ZFHX3: variants seen among roughly 807,000 people sequenced by gnomAD.
ZFHX3 encodes zinc finger homeobox 3.
ZFHX3 carries 42 observed loss-of-function variants against 279.1 expected under a neutral mutation model. That is an observed-to-expected ratio of 0.15 (90% confidence interval 0.12 to 0.19). The LOEUF (loss-of-function observed/expected upper bound fraction) is 0.19. ZFHX3 is among the 10% of genes least tolerant of loss of function. The pLI is 1.00. For missense variants in ZFHX3, 4,981 were observed against 4,754.0 expected, an observed-to-expected ratio of 1.05 and a Z score of -1.40; for synonymous variants, 2,293 against 1,957.8, an observed-to-expected ratio of 1.17 and a Z score of -4.52.
chr16:73,405,795 T>C (rs1021050434), intron 3 of ZFHX3, among the ~76,000 whole-genome samples: 1 of 152,248 alleles, frequency 6.6e-6, no homozygotes, highest in Non-Finnish European at 1.5e-5. Flanking sequence ...CAATGTATGC[T>C]TAAAGTTTAT....
At chr16:73,773,045 G>A (rs56139326) in intron 1 of ZFHX3, among the ~76,000 whole-genome samples, 36,243 of 152,158 alleles carry the variant, frequency 0.24, 4,847 homozygotes, top group Non-Finnish European at 0.3. Context: ...AGGCTGATCA[G>A]TGCAGGGGCT....
intron 3 of ZFHX3, among the ~76,000 whole-genome samples, chr16:72,920,824 C>T (rs1164716267): frequency 6.6e-6 from 1 of 151,998 alleles, no homozygotes; most frequent in Admixed American, 6.6e-5. Context: ...AATCTCAGCA[C>T]TTTTGGAGGC....
At position 72,851,943 on chromosome 16, in the gene ZFHX3, G is replaced by A. The variant is rs1237746512; in HGVS notation, c.3449-22084C>T. Among the ~76,000 whole-genome samples, 10 of 152,158 alleles carry A rather than the reference G, an allele frequency of 6.6e-5. No individual in the cohort carries two copies. The South Asian group carries it at 1.0e-3, about 16-fold the overall frequency. On this transcript the variant is annotated intron_variant, in intron 4 of 9. Coordinates refer to ENST00000268489, the MANE Select transcript of ZFHX3 (RefSeq NM_006885.4). ...ACTGGCGGCCAGGTGAACTAGTTAC[G>A]TGGCCAAGTTAAACAGCTTTTGCGT... is the stretch of plus-strand genomic sequence containing the variant.
chr16:73,040,472 C>G (rs543430433), intron 1 of ZFHX3, among the ~76,000 whole-genome samples: 4 of 149,560 alleles, frequency 2.7e-5, no homozygotes, highest in Admixed American at 6.7e-5. Context: ...ACAAGCCAGC[C>G]GGGGAAGGCC....
At chr16:73,359,390 G>A (rs1173408142) in intron 3 of ZFHX3, among the ~76,000 whole-genome samples, 1 of 152,108 alleles carries the variant, frequency 6.6e-6, no homozygotes, top group Non-Finnish European at 1.5e-5. Flanking sequence ...AGTACTGGGG[G>A]AAAATGACAT....
intron 5 of ZFHX3, among the ~76,000 whole-genome samples, chr16:73,170,299 C>T (rs937790024): frequency 1.6e-5 from 2 of 126,762 alleles, no homozygotes; most frequent in East Asian, 2.5e-4. Flanking sequence ...GCCACGATCT[C>T]GGCTCACTGC....
intron 1 of ZFHX3, among the ~76,000 whole-genome samples, chr16:73,878,964 T>TAG (rs2030050459): frequency 6.7e-6 from 1 of 148,354 alleles, no homozygotes; most frequent in Admixed American, 6.7e-5. Context: ...TATATATATA[T>TAG]AGTTGTGGAA....
chr16:73,535,750 T>C (rs1437754926), intron 2 of ZFHX3, among the ~76,000 whole-genome samples: 1 of 139,756 alleles, frequency 7.2e-6, no homozygotes, highest in Non-Finnish European at 1.5e-5. Flanking sequence ...TTAGAAGGAG[T>C]CTCCCTCTGT....
chr16:73,779,448 A>C (rs895661898), intron 1 of ZFHX3, among the ~76,000 whole-genome samples: 1 of 152,172 alleles, frequency 6.6e-6, no homozygotes, highest in Non-Finnish European at 1.5e-5. Context: ...CATCGAGAAG[A>C]AAATCCAAAG....
At chr16:73,758,696 T>C (rs1053715757) in intron 1 of ZFHX3, among the ~76,000 whole-genome samples, 3 of 152,238 alleles carry the variant, frequency 2.0e-5, no homozygotes, top group Admixed American at 6.5e-5. Context: ...GGTTGCTTCC[T>C]TCTCACTGGA....
intron 1 of ZFHX3, among the ~76,000 whole-genome samples, chr16:73,869,470 T>C (rs1347020683): frequency 6.6e-6 from 1 of 152,238 alleles, no homozygotes; most frequent in Non-Finnish European, 1.5e-5. Context: ...TAACTGTTTA[T>C]GCACCATAGA....
intron 1 of ZFHX3, among the ~76,000 whole-genome samples, chr16:73,867,598 G>A (rs1018235345): frequency 5.3e-5 from 8 of 152,260 alleles, no homozygotes; most frequent in Admixed American, 1.3e-4. Context: ...TTCTTTTCTC[G>A]TTTATACTAA....
chr16:73,144,842 T>G (rs1966856632), intron 5 of ZFHX3, among the ~76,000 whole-genome samples: 1 of 152,178 alleles, frequency 6.6e-6, no homozygotes, highest in Non-Finnish European at 1.5e-5. Context: ...ACAACTGTGT[T>G]ATAAAGCACA....
chr16:73,528,273 G>A (rs749975771), intron 2 of ZFHX3, among the ~76,000 whole-genome samples: 5 of 152,110 alleles, frequency 3.3e-5, no homozygotes, highest in Admixed American at 6.5e-5. Context: ...TATCAGGCAC[G>A]ATTATTACAC....
At chr16:73,675,074 G>A (rs2052941210) in intron 2 of ZFHX3, among the ~76,000 whole-genome samples, 1 of 152,176 alleles carries the variant, frequency 6.6e-6, no homozygotes, top group African/African-American at 2.4e-5. Context: ...CTTTGGGTCT[G>A]AGCTCAGTTC....
At position 73,511,697 on chromosome 16, in the gene ZFHX3, A is replaced by G. The variant is rs917761208; in HGVS notation, c.-1546-55439T>C. The stretch of plus-strand genomic sequence containing the variant: ...TCATTTCCAACATGGCAGATAGAGC[A>G]AAAAACCAGGCCAAGGATTTCACTT... On this transcript the variant is annotated intron_variant, in intron 2 of 17. Transcript: ENST00000641206. Among the ~76,000 whole-genome samples, 4 of 152,306 alleles carry G rather than the reference A, an allele frequency of 2.6e-5. No homozygotes were observed. The East Asian group carries it at 7.7e-4, about 29-fold the overall frequency.
intron 3 of ZFHX3, among the ~76,000 whole-genome samples, chr16:72,916,847 G>C (rs2144214843): frequency 6.6e-6 from 1 of 152,292 alleles, no homozygotes; most frequent in South Asian, 2.1e-4. Flanking sequence ...ACTCCAGATG[G>C]ATAACAGAGT....
intron 2 of ZFHX3, among the ~76,000 whole-genome samples, chr16:73,632,684 CAAA>C (rs61449751): frequency 4.9e-4 from 53 of 107,318 alleles, no homozygotes; most frequent in African/African-American, 1.4e-3. Flanking sequence ...GACTCTGTCT[CAAA>C]AAAAAAAAAA....
intron 3 of ZFHX3, among the ~76,000 whole-genome samples, chr16:73,344,741 A>G (rs1265589848): frequency 6.6e-6 from 1 of 152,204 alleles, no homozygotes; most frequent in African/African-American, 2.4e-5. Flanking sequence ...AGACAGGGAC[A>G]TGGGGAAGAG....
Sources: gnomAD v4.1 joint callset for allele counts (sites outside exome capture counted in the v4.1 genomes callset) on GRCh38, gnomAD v4.1.1 for gene constraint, MANE v1.5 for transcripts, NCBI Gene and HGNC (gene_info 2026-07-23, HGNC 2026-07-21) for gene names.